The following MICU1 variants were observed in gnomAD, a reference collection of about 807,000 sequenced individuals.
MICU1 encodes calcium uptake protein 1, mitochondrial.
A neutral mutation model predicts 56.8 loss-of-function variants in MICU1; 45 were observed. The ratio of observed to expected loss-of-function variants is 0.79; its 90% CI spans 0.62 to 1.02. MICU1 has a LOEUF of 1.02. Among genes scored for constraint, MICU1 ranks in the 50% least tolerant of loss-of-function variants. The pLI is 0.00. For synonymous variants in MICU1, 186 were observed against 195.1 expected, an observed-to-expected ratio of 0.95 and a Z score of 0.39; for missense variants, 504 against 587.1, an observed-to-expected ratio of 0.86 and a Z score of 1.46.
chr10:72,471,751 A>C (rs1191200111), intron 8 of MICU1, among the ~76,000 whole-genome samples: 2 of 152,204 alleles, frequency 1.3e-5, no homozygotes, highest in East Asian at 1.9e-4. Flanking sequence ...CTCCCAAAGA[A>C]GACCAGTCTG....
intron 6 of MICU1, among the ~76,000 whole-genome samples, chr10:72,492,289 A>G (rs1452650701): frequency 6.6e-6 from 1 of 152,126 alleles, no homozygotes; most frequent in Non-Finnish European, 1.5e-5. Flanking sequence ...CTAGAAAAGC[A>G]AGGGGGAAAA....
intron 4 of MICU1, among the ~76,000 whole-genome samples, chr10:72,549,670 C>G (rs1045284125): frequency 6.6e-6 from 1 of 152,090 alleles, no homozygotes; most frequent in African/African-American, 2.4e-5. Context: ...GTGGGTCACG[C>G]CTGTAATCTC....
rs917988342 is a variant in MICU1 at position 72,423,264 on chromosome 10, C to T, written c.1041G>A (p.Arg347=). The T allele has an allele frequency of 6.2e-7, 1 of 1,613,896 alleles. No homozygotes were observed. Among genetic ancestry groups the T allele is most frequent in the Non-Finnish European group, 8.5e-7 (1 of 1,179,850 alleles). Residue 347 remains arginine, a synonymous_variant, in exon 9 of 12, where the codon AGG becomes AGA. Coordinates refer to ENST00000361114, the MANE Select transcript of MICU1 (RefSeq NM_001195518.2). The stretch of plus-strand genomic sequence containing the variant: ...CTTCTTTGAAGTGCTTCTTGAGCTG[C>T]CTCTGCATGGCGGTCAGCTTCTTGG... The part of the protein sequence containing the change: ...VQSKKLTAMQ[R]QLKKHFKEGK...
At chr10:72,421,391 C>T (rs1411958774) in intron 9 of MICU1, among the ~76,000 whole-genome samples, 1 of 152,178 alleles carries the variant, frequency 6.6e-6, no homozygotes, top group Non-Finnish European at 1.5e-5. Context: ...TCTCCTGCCT[C>T]AGCCTCCTGA....
At chr10:72,417,369 G>T (rs1444437459) in intron 9 of MICU1, among the ~76,000 whole-genome samples, 1 of 150,836 alleles carries the variant, frequency 6.6e-6, no homozygotes, top group East Asian at 2.0e-4. Flanking sequence ...CAGGAGAATG[G>T]CATGAACCCA....
chr10:72,603,407 T>C (rs1177137415), intron 1 of MICU1, among the ~76,000 whole-genome samples: 1 of 142,604 alleles, frequency 7.0e-6, no homozygotes, highest in Non-Finnish European at 1.6e-5. Flanking sequence ...AAAAAATACA[T>C]AAATAAATAA....
intron 10 of MICU1, among the ~76,000 whole-genome samples, chr10:72,389,385 CTG>C (rs1862994933): frequency 6.6e-6 from 1 of 152,184 alleles, no homozygotes; most frequent in South Asian, 2.1e-4. Flanking sequence ...ACAAAAGAAA[CTG>C]AGACCATTTG....
intron 1 of MICU1, among the ~76,000 whole-genome samples, chr10:72,623,300 CAA>C (rs1164753291): frequency 1.8e-5 from 1 of 55,928 alleles, no homozygotes; most frequent in African/African-American, 8.0e-5. Flanking sequence ...GACTCCGTCT[CAA>C]AAAAAAAAAA....
chr10:72,485,472 T>C (rs1346783194), intron 6 of MICU1, among the ~76,000 whole-genome samples: 4 of 151,892 alleles, frequency 2.6e-5, no homozygotes, highest in Non-Finnish European at 2.9e-5. Flanking sequence ...TGTTATTATA[T>C]ATATAACCAG....
At chr10:72,409,721 G>A (rs1442948924) in intron 9 of MICU1, among the ~76,000 whole-genome samples, 1 of 152,034 alleles carries the variant, frequency 6.6e-6, no homozygotes, top group African/African-American at 2.4e-5. Flanking sequence ...AAGACTGTAT[G>A]ATTATATCAC....
At position 72,421,564 on chromosome 10, in the gene MICU1, C is replaced by T. The variant is rs542513805; in HGVS notation, c.1071+1670G>A. Among the ~76,000 whole-genome samples, 16 of 152,272 alleles carry T rather than the reference C, an allele frequency of 1.1e-4. 1 individual carries two copies. The South Asian group carries it at 1.7e-3, about 16-fold the overall frequency. ...CGTTAGGATTACAGGCGTGAGCCAC[C>T]GTGCGCAGCCACCATCTTTTCTTTC... is the stretch of plus-strand genomic sequence containing the variant. On this transcript the variant is annotated intron_variant, in intron 9 of 11. Coordinates refer to ENST00000361114, the MANE Select transcript of MICU1 (RefSeq NM_001195518.2).
chr10:72,477,757 C>G (rs1285149046), intron 6 of MICU1, among the ~76,000 whole-genome samples: 2 of 152,190 alleles, frequency 1.3e-5, no homozygotes, highest in Non-Finnish European at 2.9e-5. Context: ...CTGGGCATGT[C>G]ACCCTGCCAA....
chr10:72,523,801 C>T (rs1236166495), intron 5 of MICU1: 1 of 1,511,386 alleles, frequency 6.6e-7, no homozygotes, highest in East Asian at 2.5e-5. Context: ...TTAAAAAGTA[C>T]CTTTAGGAGT....
chr10:72,386,204 C>T lies in MICU1; in HGVS notation c.1181-10332G>A, dbSNP rs936609946. On this transcript the variant is annotated intron_variant, in intron 10 of 11. Coordinates refer to ENST00000361114, the MANE Select transcript of MICU1 (RefSeq NM_001195518.2). ...AATGTCTTTTTTTTTTGGAGGGGGA[C>T]GGAGTCTCGCTCTGTCGCCCAGGCT... 3.3e-5 allele frequency among the ~76,000 whole-genome samples: 5 copies of T among 151,812 alleles called. No homozygotes were observed. The East Asian group carries it at 7.8e-4, about 24-fold the overall frequency.
intron 1 of MICU1, among the ~76,000 whole-genome samples, chr10:72,624,720 T>G (rs1336791801): frequency 6.6e-6 from 1 of 152,222 alleles, no homozygotes; most frequent in Non-Finnish European, 1.5e-5. Context: ...ACTCAGAAGA[T>G]GTCAGAGACA....
At chr10:72,556,116 C>T (rs1188607869) in intron 3 of MICU1, among the ~76,000 whole-genome samples, 1 of 152,162 alleles carries the variant, frequency 6.6e-6, no homozygotes. Context: ...CACACTCTCT[C>T]TCAAGAGGTG....
At chr10:72,577,169 C>G (rs1473638789) in intron 1 of MICU1, among the ~76,000 whole-genome samples, 2 of 151,814 alleles carry the variant, frequency 1.3e-5, no homozygotes, top group Non-Finnish European at 2.9e-5. Context: ...ATAATGGACT[C>G]TGGGGGCTCT....
intron 5 of MICU1, among the ~76,000 whole-genome samples, chr10:72,510,752 C>T (rs1311176852): frequency 2.0e-5 from 3 of 151,974 alleles, no homozygotes; most frequent in Non-Finnish European, 4.4e-5. Context: ...CAAGCCTCAG[C>T]CTCCCGAGTA....
chr10:72,448,421 AC>A (rs1865191840), intron 8 of MICU1, among the ~76,000 whole-genome samples: 1 of 150,688 alleles, frequency 6.6e-6, no homozygotes, highest in African/African-American at 2.4e-5. Context: ...TCATCCGCCC[AC>A]CTTGGCCTCC....
Sources: allele counts gnomAD v4.1 joint callset (sites outside exome capture counted in the v4.1 genomes callset), GRCh38; gene constraint gnomAD v4.1.1; transcripts MANE v1.5; gene names NCBI Gene and HGNC (gene_info 2026-07-23, HGNC 2026-07-21).